MIPOL1: variants seen among roughly 807,000 people sequenced by gnomAD.
The protein encoded by MIPOL1 is mirror-image polydactyly 1, also known as mirror-image polydactyly gene 1 protein.
A neutral mutation model predicts 60.9 loss-of-function variants in MIPOL1; 57 were observed. The ratio of observed to expected loss-of-function variants is 0.94; its 90% CI spans 0.76 to 1.17. The LOEUF is 1.17. Among genes scored for constraint, MIPOL1 ranks in the 50% most tolerant of loss-of-function variants. The pLI, the probability that MIPOL1 is intolerant of heterozygous loss-of-function variation, is 0.00. For synonymous variants in MIPOL1, 179 were observed against 168.8 expected, an observed-to-expected ratio of 1.06 and a Z score of -0.47; for missense variants, 551 against 511.6, an observed-to-expected ratio of 1.08 and a Z score of -0.74.
intron 3 of MIPOL1, among the ~76,000 whole-genome samples, chr14:37,250,097 G>A (rs1973845686): frequency 6.6e-6 from 1 of 152,138 alleles, no homozygotes; most frequent in South Asian, 2.1e-4. Context: ...TGCATAGACA[G>A]TTTACAGTAG....
chr14:37,353,702 T>C (rs1217087894), intron 9 of MIPOL1, among the ~76,000 whole-genome samples: 1 of 152,126 alleles, frequency 6.6e-6, no homozygotes, highest in Non-Finnish European at 1.5e-5. Flanking sequence ...GTAGAGGTGT[T>C]TGTAGTATTC....
At chr14:37,434,254 G>A (rs767448830) in intron 11 of MIPOL1, among the ~76,000 whole-genome samples, 1 of 152,016 alleles carries the variant, frequency 6.6e-6, no homozygotes, top group African/African-American at 2.4e-5. Flanking sequence ...ATCTGACTGT[G>A]GTTTTGATTT....
chr14:37,267,779 T>A (rs1394619125), intron 4 of MIPOL1, among the ~76,000 whole-genome samples: 1 of 152,218 alleles, frequency 6.6e-6, no homozygotes, highest in Non-Finnish European at 1.5e-5. Flanking sequence ...TAAATTGATA[T>A]ACATGACATA....
intron 10 of MIPOL1, among the ~76,000 whole-genome samples, chr14:37,377,956 C>T (rs1490008301): frequency 6.6e-6 from 1 of 151,858 alleles, no homozygotes; most frequent in Non-Finnish European, 1.5e-5. Context: ...TTAAAATTAT[C>T]TTTAAAAATT....
At chr14:37,225,778 G>A (rs113739964) in intron 1 of MIPOL1, among the ~76,000 whole-genome samples, 11,094 of 152,142 alleles carry the variant, frequency 0.073, 1,347 homozygotes, top group African/African-American at 0.25. Flanking sequence ...TCAGAAAATG[G>A]GATTTTCTTT....
chr14:37,356,412 C>T lies in MIPOL1; in HGVS notation c.829-13105C>T, dbSNP rs540703886. ...GAAGCCTACAGAGGCAGGCAGGCCT[C>T]CTTGAGCTGTGGTGGGCTCCACCCA... On this transcript the variant is annotated intron_variant, in intron 9 of 12. Transcript: ENST00000684589. Among the ~76,000 whole-genome samples, 8 of 152,178 alleles carry T rather than the reference C, an allele frequency of 5.3e-5. No homozygotes were observed. In the South Asian group the frequency reaches 1.5e-3, roughly 28 times the overall value.
At position 37,442,627 on chromosome 14, in the gene MIPOL1, C is replaced by T. The variant is rs141061305; in HGVS notation, c.1031+19678C>T. Among the ~76,000 whole-genome samples the T allele has an allele frequency of 4.9e-4, 74 of 149,958 alleles. 2 individuals are homozygous for T. In the East Asian group the frequency reaches 0.01, roughly 21 times the overall value. ...CTTATTAAACCTGCACATGTACCCC[C>T]GAATCTAAAATAAAAGCTGAAATTA... On this transcript the variant is annotated intron_variant, in intron 11 of 12. Transcript: ENST00000684589.
At chr14:37,298,442 T>C (rs1214361685) in intron 7 of MIPOL1, among the ~76,000 whole-genome samples, 1 of 152,110 alleles carries the variant, frequency 6.6e-6, no homozygotes, top group Non-Finnish European at 1.5e-5. Flanking sequence ...AAAGCCAAAA[T>C]TGACAAATGG....
chr14:37,449,441 A>G (rs977564892), intron 11 of MIPOL1, among the ~76,000 whole-genome samples: 1 of 152,222 alleles, frequency 6.6e-6, no homozygotes, highest in South Asian at 2.1e-4. Flanking sequence ...AAAGTATTCA[A>G]CAAACTGAAT....
intron 9 of MIPOL1, among the ~76,000 whole-genome samples, chr14:37,363,384 C>T (rs1316889489): frequency 2.6e-5 from 4 of 152,134 alleles, no homozygotes; most frequent in East Asian, 3.9e-4. Context: ...GCTGCAGGTC[C>T]ATTGGAGTTT....
At chr14:37,503,476 C>T (rs1452854043) in intron 12 of MIPOL1, 2 of 152,122 alleles carry the variant, frequency 1.3e-5, no homozygotes, top group African/African-American at 4.8e-5. Flanking sequence ...AAAGAATTTT[C>T]AACCCAGAAT....
At chr14:37,451,545 C>A (rs1024388397) in intron 11 of MIPOL1, among the ~76,000 whole-genome samples, 4 of 151,938 alleles carry the variant, frequency 2.6e-5, no homozygotes, top group Non-Finnish European at 4.4e-5. Flanking sequence ...AAACAATGAG[C>A]TTTTCTTTGT....
At chr14:37,210,902 C>A (rs1001100089) in intron 1 of MIPOL1, among the ~76,000 whole-genome samples, 1 of 152,096 alleles carries the variant, frequency 6.6e-6, no homozygotes, top group East Asian at 1.9e-4. Context: ...GTGTTGGTAC[C>A]TGAATAAGTA....
chr14:37,216,617 T>G (rs1024245136), intron 1 of MIPOL1, among the ~76,000 whole-genome samples: 1 of 152,162 alleles, frequency 6.6e-6, no homozygotes, highest in East Asian at 1.9e-4. Flanking sequence ...AACTAGAAAT[T>G]AATAACAAGA....
intron 11 of MIPOL1, among the ~76,000 whole-genome samples, chr14:37,479,856 C>T (rs1040094091): frequency 2.4e-4 from 36 of 151,970 alleles, no homozygotes; most frequent in African/African-American, 8.0e-4. Flanking sequence ...AAGAGGAGAC[C>T]GTACAACTGC....
At chr14:37,453,822 C>T (rs926935617) in intron 11 of MIPOL1, among the ~76,000 whole-genome samples, 1 of 152,134 alleles carries the variant, frequency 6.6e-6, no homozygotes, top group Non-Finnish European at 1.5e-5. Flanking sequence ...CAGATGCATT[C>T]TTTTATTTAT....
chr14:37,209,608 TGAGA>T (rs993724534), intron 1 of MIPOL1, among the ~76,000 whole-genome samples: 5 of 152,128 alleles, frequency 3.3e-5, no homozygotes, highest in African/African-American at 1.2e-4. Flanking sequence ...TGCAGTGAGC[TGAGA>T]TCACGTCACT....
At chr14:37,513,766 C>A (rs2095347562) in intron 12 of MIPOL1, among the ~76,000 whole-genome samples, 2 of 152,072 alleles carry the variant, frequency 1.3e-5, no homozygotes, top group South Asian at 2.1e-4. Context: ...ATTTAATGTA[C>A]TTCTTCATTT....
chr14:37,239,554 A>T (rs1972034447), intron 1 of MIPOL1, among the ~76,000 whole-genome samples: 1 of 152,218 alleles, frequency 6.6e-6, no homozygotes, highest in Admixed American at 6.5e-5. Flanking sequence ...CTTACATAAA[A>T]TTTATAGTTG....
Sources: gnomAD v4.1 joint callset for allele counts (sites outside exome capture counted in the v4.1 genomes callset) on GRCh38, gnomAD v4.1.1 for gene constraint, MANE v1.5 for transcripts, NCBI Gene and HGNC (gene_info 2026-07-23, HGNC 2026-07-21) for gene names.